Variants in KCNH3 observed in about 807,000 individuals in gnomAD.
KCNH3 encodes voltage-gated inwardly rectifying potassium channel KCNH3.
A neutral mutation model predicts 95.6 loss-of-function variants in KCNH3; 36 were observed. That is an observed-to-expected ratio of 0.38 (90% CI 0.29 to 0.50). The LOEUF is 0.50. Ranked by LOEUF, KCNH3 falls within the 20% of genes least tolerant of loss-of-function variation. The pLI is 0.95. For missense variants in KCNH3, 1,030 were observed against 1,484.1 expected, an observed-to-expected ratio of 0.69 and a Z score of 5.03; for synonymous variants, 620 against 646.3, an observed-to-expected ratio of 0.96 and a Z score of 0.62.
At chr12:49,556,725 T>G in intron 13 of KCNH3, 1 of 688,212 alleles carries the variant, frequency 1.5e-6, no homozygotes, top group Non-Finnish European at 2.7e-6. Flanking sequence ...AGTGTGAATT[T>G]GGCTTCTCTG....
intron 7 of KCNH3, among the ~76,000 whole-genome samples, chr12:49,547,947 C>T (rs1259489942): frequency 6.6e-6 from 1 of 152,198 alleles, no homozygotes. Flanking sequence ...TCCTGCAACC[C>T]TCCAGCTAGG....
chr12:49,540,146 C>T (rs944233753), intron 1 of KCNH3, among the ~76,000 whole-genome samples: 8 of 152,178 alleles, frequency 5.3e-5, no homozygotes, highest in Admixed American at 2.0e-4. Flanking sequence ...CCTCCTCTCC[C>T]TCACATCCCC....
At position 49,551,574 on chromosome 12, in the gene KCNH3, CAAAAAAAAAAAAAAA is replaced by C. The variant is rs59344956; in HGVS notation, c.1918+1255_1918+1269del. 5.2e-5 allele frequency among the ~76,000 whole-genome samples: 3 copies of C among 57,556 alleles called. No individual in the cohort carries two copies. In the South Asian group the frequency reaches 2.0e-3, roughly 39 times the overall value. 37.8% of individuals were successfully genotyped at this position (57,556 alleles called of 152,430 possible). A position where few individuals can be genotyped will look rare whatever the true frequency, so the allele number is the denominator to read the frequency against. On this transcript the variant is annotated intron_variant, in intron 10 of 14. Transcript: ENST00000257981. ...CTGGGCGATAAGCGAGACTCTGTCTCAAAAAAAAAAAAAAAAAAAAAAAAGAAAAGCCACTAAAGA... is the reference window on the plus strand; with the variant it reads ...CTGGGCGATAAGCGAGACTCTGTCTCAAAAAAAAAGAAAAGCCACTAAAGA...
At chr12:49,555,099 GT>G (rs1938388311) in intron 11 of KCNH3, among the ~76,000 whole-genome samples, 1 of 152,034 alleles carries the variant, frequency 6.6e-6, no homozygotes, top group Non-Finnish European at 1.5e-5. Flanking sequence ...TTGAGAGGTA[GT>G]TAACACCTCC....
rs1329127562 is a variant in KCNH3, at chr12:49,555,679, G to A, written c.2196G>A (p.Glu732=). The A allele has an allele frequency of 6.2e-7, 1 of 1,603,416 alleles. No individual in the cohort carries two copies. The highest frequency in any genetic ancestry group is 8.5e-7 in the Non-Finnish European group (1 of 1,173,440). The part of the protein sequence containing the change: ...NTLMSTLEEK[E]TDGEQGPTVS... Reference sequence around the variant, plus strand: ...TTATGTCCACGCTGGAGGAGAAGGAGACAGATGGGGAGCAGGGCCCCACGG... The same window carrying A: ...TTATGTCCACGCTGGAGGAGAAGGAAACAGATGGGGAGCAGGGCCCCACGG... The change falls in exon 12 of 15, where the codon GAG becomes GAA. Residue 732 remains glutamate, a synonymous_variant. Coordinates refer to ENST00000257981, the MANE Select transcript of KCNH3 (RefSeq NM_012284.3).
At chr12:49,546,327 A>G (rs1938059832) in intron 7 of KCNH3, 1 of 152,136 alleles carries the variant, frequency 6.6e-6, no homozygotes, top group Non-Finnish European at 1.5e-5. Flanking sequence ...CAAGTTCTTC[A>G]CATCATCATC....
intron 12 of KCNH3, 70 bp downstream of exon 12, chr12:49,556,021 T>C: frequency 1.4e-6 from 1 of 731,966 alleles, no homozygotes; most frequent in South Asian, 1.8e-5. Context: ...AGGCGCACCC[T>C]GCCCTAGGTG....
chr12:49,541,530 C>A, intron 2 of KCNH3, 100 bp from the exon 3 acceptor site: 1 of 1,412,760 alleles, frequency 7.1e-7, no homozygotes, highest in Non-Finnish European at 9.7e-7. Flanking sequence ...ACCGCTAGAT[C>A]CTGCCTGTGT....
chr12:49,550,165 C>T lies in KCNH3; in HGVS notation c.1754C>T (p.Ala585Val), dbSNP rs375366286. Reference protein sequence around the residue: ...KEVLQLPLFEAASRGCLRALS... With the variant: ...KEVLQLPLFEVASRGCLRALS... ...GTCCTGCAGCTGCCACTGTTTGAGGCGGCCAGCCGCGGCTGCCTGCGGGCA... is the reference window on the plus strand; with the variant it reads ...GTCCTGCAGCTGCCACTGTTTGAGGTGGCCAGCCGCGGCTGCCTGCGGGCA... The change falls in exon 10 of 15, where the codon GCG (alanine) becomes GTG (valine). Residue 585 changes from alanine (A) to valine (V), a missense_variant. Physicochemically the swap from Ala to Val is moderately conservative, Grantham distance 64. Coordinates refer to ENST00000257981, the MANE Select transcript of KCNH3 (RefSeq NM_012284.3). The T allele has an allele frequency of 3.7e-6, 6 of 1,608,094 alleles. No individual in the cohort carries two copies. The highest frequency in any genetic ancestry group is 2.2e-5 in the East Asian group (1 of 44,886).
At chr12:49,551,596 A>AAG (rs1938264490) in intron 10 of KCNH3, among the ~76,000 whole-genome samples, 1 of 150,870 alleles carries the variant, frequency 6.6e-6, no homozygotes, top group African/African-American at 2.5e-5. Context: ...AAAAAAAAAA[A>AAG]AAGAAAAGCC....
At chr12:49,548,432 G>A (rs955746843) in intron 7 of KCNH3, among the ~76,000 whole-genome samples, 27 of 152,136 alleles carry the variant, frequency 1.8e-4, no homozygotes, top group African/African-American at 4.6e-4. Context: ...GGGGATGGAT[G>A]AGACTGAATG....
intron 1 of KCNH3, 115 bp from the exon 2 acceptor site, chr12:49,540,784 A>G (rs1428521940): frequency 4.0e-6 from 3 of 759,108 alleles, no homozygotes; most frequent in South Asian, 1.6e-5. Flanking sequence ...TAACACACGC[A>G]GGATTCCTGG....
Position 49,539,076 on chromosome 12 carries a change from G to C in KCNH3, c.-341G>C, listed in dbSNP as rs1055679328. On this transcript the variant is annotated 5_prime_UTR_variant, in exon 1 of 15. Transcript: ENST00000257981. This position sits in a 1 kb window ranked among gnomAD's most constrained non-coding sequence, Gnocchi z 6.7. ...AGACGGAGGGAGCTGCCGAGAGCCGGCGCCGAGCGAAGCCGAGCGGAAGCC... is the reference window on the plus strand; with the variant it reads ...AGACGGAGGGAGCTGCCGAGAGCCGCCGCCGAGCGAAGCCGAGCGGAAGCC... 3.9e-5 allele frequency: 6 copies of C among 152,214 alleles called. No individual in the cohort carries two copies. Among genetic ancestry groups the C allele is most frequent in the Admixed American group, 2.6e-4 (4 of 15,282 alleles). 9.4% of individuals were successfully genotyped at this position (152,214 alleles called of 1,614,324 possible).
chr12:49,542,988 A>G, intron 4 of KCNH3, 149 bp downstream of exon 4: 1 of 1,128,452 alleles, frequency 8.9e-7, no homozygotes, highest in Admixed American at 2.8e-5. Flanking sequence ...AGGGAAGATC[A>G]CATGCCTGAT....
chr12:49,542,576 A>C (rs1056729130), intron 3 of KCNH3, 130 bp from the exon 4 acceptor site: 43 of 1,128,288 alleles, frequency 3.8e-5, no homozygotes, highest in Middle Eastern at 6.1e-4. Context: ...TGAGCCCCCA[A>C]CTCTAAACAT....
Position 49,541,132 on chromosome 12 carries a change from G to A in KCNH3, c.310G>A (p.Gly104Arg), listed in dbSNP as rs1937856315. The part of the protein sequence containing the change: ...KAELILYRKS[G>R]LPFWCLLDVI... Reference sequence around the variant, plus strand: ...TGAGCTGATCCTGTACCGGAAGAGCGGTGAGGGGCCACCTGGCCAGCCTGC... The same window carrying A: ...TGAGCTGATCCTGTACCGGAAGAGCAGTGAGGGGCCACCTGGCCAGCCTGC... The change falls in exon 2 of 15, where the codon GGG becomes AGG. Residue 104 changes from glycine (G) to arginine (R), a missense_variant and splice_region_variant. Gly to Arg is a moderately radical substitution (Grantham distance 125). Coordinates refer to ENST00000257981, the MANE Select transcript of KCNH3 (RefSeq NM_012284.3). 1 of 1,598,584 alleles carries A rather than the reference G, an allele frequency of 6.3e-7. No individual in the cohort carries two copies. The highest frequency in any genetic ancestry group is 8.5e-7 in the Non-Finnish European group (1 of 1,176,964).
At chr12:49,548,095 CGTGTGTGTGTGTGTGTGT>C (rs369626063) in intron 7 of KCNH3, among the ~76,000 whole-genome samples, 101 of 146,722 alleles carry the variant, frequency 6.9e-4, no homozygotes, top group African/African-American at 2.2e-3. Context: ...CCTGTGACTA[CGTGTGTGTGTGTGTGTGT>C]GTGTGTGTGT....
Position 49,555,382 on chromosome 12 carries a change from G to A in KCNH3, c.2137-238G>A, listed in dbSNP as rs1210739434. On this transcript the variant is annotated intron_variant, in intron 11 of 14. Coordinates refer to ENST00000257981, the MANE Select transcript of KCNH3 (RefSeq NM_012284.3). ...GAATGGCATGAACCCGGGAGGTGGAGCTTGCAGCGAGCCGAGATCACACCA... is the reference window on the plus strand; with the variant it reads ...GAATGGCATGAACCCGGGAGGTGGAACTTGCAGCGAGCCGAGATCACACCA... Among the ~76,000 whole-genome samples the A allele has an allele frequency of 2.5e-4, 37 of 148,716 alleles. 1 individual carries two copies. The highest frequency in any genetic ancestry group is 8.7e-4 in the African/African-American group (35 of 40,056).
chr12:49,549,245 C>A (rs1486196471), intron 8 of KCNH3, 72 bp downstream of exon 8: 1 of 1,513,376 alleles, frequency 6.6e-7, no homozygotes, highest in East Asian at 2.3e-5. Flanking sequence ...CGTCCCACTC[C>A]CCGGAGGGCC....
Sources: allele counts gnomAD v4.1 joint callset (sites outside exome capture counted in the v4.1 genomes callset), GRCh38; gene constraint gnomAD v4.1.1; non-coding constraint Gnocchi (gnomAD v3.1); transcripts MANE v1.5; gene names NCBI Gene and HGNC (gene_info 2026-07-23, HGNC 2026-07-21).